ADAM10: variants seen among roughly 807,000 people sequenced by gnomAD.
The protein encoded by ADAM10 is disintegrin and metalloproteinase domain-containing protein 10.
In ADAM10, 17 loss-of-function variants were observed where a neutral mutation model predicts 90.1. The ratio of observed to expected loss-of-function variants is 0.19; its 90% CI spans 0.13 to 0.28. The LOEUF is 0.28. Among genes scored for constraint, ADAM10 ranks in the 10% least tolerant of loss-of-function variants. ADAM10 has a pLI of 1.00. For synonymous variants in ADAM10, 310 were observed against 298.6 expected, an observed-to-expected ratio of 1.04 and a Z score of -0.40; for missense variants, 610 against 914.3, an observed-to-expected ratio of 0.67 and a Z score of 4.29.
At chr15:58,614,812 C>T (rs933686250) in intron 11 of ADAM10, among the ~76,000 whole-genome samples, 2 of 152,124 alleles carry the variant, frequency 1.3e-5, no homozygotes, top group Non-Finnish European at 2.9e-5. Flanking sequence ...ATAATGCTAA[C>T]AACCTACGTA....
At chr15:58,736,541 T>A (rs1899436496) in intron 1 of ADAM10, among the ~76,000 whole-genome samples, 1 of 152,150 alleles carries the variant, frequency 6.6e-6, no homozygotes, top group East Asian at 1.9e-4. Context: ...ATGTCCTTAC[T>A]TTTATGAAAT....
chr15:58,730,045 G>A (rs1271028686), intron 1 of ADAM10, among the ~76,000 whole-genome samples: 1 of 149,724 alleles, frequency 6.7e-6, no homozygotes, highest in African/African-American at 2.5e-5. Flanking sequence ...TTTCACATTA[G>A]GAAATCGTAA....
intron 8 of ADAM10, among the ~76,000 whole-genome samples, chr15:58,640,500 T>G (rs1678006648): frequency 6.6e-6 from 1 of 152,186 alleles, no homozygotes; most frequent in African/African-American, 2.4e-5. Flanking sequence ...CCTTTGGGTT[T>G]CAGAATTACC....
chr15:58,604,173 C>T (rs1238590131), intron 14 of ADAM10, among the ~76,000 whole-genome samples: 1 of 151,988 alleles, frequency 6.6e-6, no homozygotes, highest in Non-Finnish European at 1.5e-5. Flanking sequence ...ACCAGCCTGG[C>T]CAACATGGTG....
chr15:58,628,831 GT>G (rs1242654335), intron 9 of ADAM10, among the ~76,000 whole-genome samples: 1 of 152,166 alleles, frequency 6.6e-6, no homozygotes, highest in Non-Finnish European at 1.5e-5. Context: ...AGGACGTTCT[GT>G]TTTTTCCTAG....
chr15:58,653,846 T>C (rs923616224), intron 5 of ADAM10, among the ~76,000 whole-genome samples: 4 of 152,198 alleles, frequency 2.6e-5, no homozygotes, highest in Non-Finnish European at 5.9e-5. Flanking sequence ...GGTCCCAGAC[T>C]TTTCTTTACT....
At chr15:58,719,122 G>A (rs1313185835) in intron 1 of ADAM10, among the ~76,000 whole-genome samples, 2 of 152,216 alleles carry the variant, frequency 1.3e-5, no homozygotes, top group Middle Eastern at 3.4e-3. Context: ...TCAGGAGTTC[G>A]AGACCAGCCT....
chr15:58,723,348 C>T (rs1898920272), intron 1 of ADAM10, among the ~76,000 whole-genome samples: 1 of 151,284 alleles, frequency 6.6e-6, no homozygotes, highest in Admixed American at 6.6e-5. Context: ...GATTGGAAGG[C>T]GGAAAAAAAA....
chr15:58,639,508 T>G (rs545009778), intron 8 of ADAM10, among the ~76,000 whole-genome samples: 1 of 152,184 alleles, frequency 6.6e-6, no homozygotes, highest in Non-Finnish European at 1.5e-5. Context: ...TTTCAGAGTA[T>G]GAAAGTTTCG....
intron 4 of ADAM10, among the ~76,000 whole-genome samples, chr15:58,669,300 A>G (rs1056528064): frequency 6.6e-6 from 1 of 152,190 alleles, no homozygotes; most frequent in Non-Finnish European, 1.5e-5. Flanking sequence ...TTACTCATCC[A>G]GTCAACAGCT....
chr15:58,589,171 T>C lies in ADAM10; in HGVS notation c.*8376A>G, dbSNP rs1047056792. On this transcript the variant is annotated 3_prime_UTR_variant, in exon 16 of 16. Coordinates refer to ENST00000260408, the MANE Select transcript of ADAM10 (RefSeq NM_001110.4). Reference sequence around the variant, plus strand: ...ACAAATGTTTATTGAACACCTACTATAGCCAAGCTCAAGGAAATGGAGATT... The same window carrying C: ...ACAAATGTTTATTGAACACCTACTACAGCCAAGCTCAAGGAAATGGAGATT... 6.6e-6 allele frequency: 1 copy of C among 152,156 alleles called. No individual in the cohort carries two copies. The highest frequency in any genetic ancestry group is 2.4e-5 in the African/African-American group (1 of 41,426). 9.4% of individuals were successfully genotyped at this position (152,156 alleles called of 1,614,324 possible).
chr15:58,637,750 C>G (rs1405713236), intron 8 of ADAM10, among the ~76,000 whole-genome samples: 1 of 151,494 alleles, frequency 6.6e-6, no homozygotes, highest in African/African-American at 2.4e-5. Context: ...ATATAATTAC[C>G]AAATGAACTG....
At chr15:58,635,406 G>A (rs1460998772) in intron 8 of ADAM10, among the ~76,000 whole-genome samples, 1 of 151,936 alleles carries the variant, frequency 6.6e-6, no homozygotes, top group Non-Finnish European at 1.5e-5. Context: ...ACTATAGGCC[G>A]GACAAATAGC....
intron 1 of ADAM10, among the ~76,000 whole-genome samples, chr15:58,722,891 C>G (rs1217606012): frequency 6.6e-6 from 1 of 151,940 alleles, no homozygotes; most frequent in African/African-American, 2.4e-5. Context: ...ACCACTATGC[C>G]TGGCTAACTT....
chr15:58,711,955 T>C (rs1220515049), intron 2 of ADAM10, among the ~76,000 whole-genome samples: 6 of 152,146 alleles, frequency 3.9e-5, no homozygotes, highest in African/African-American at 1.4e-4. Flanking sequence ...CTTATGCTTC[T>C]CTTCAATGAC....
At chr15:58,715,215 A>G (rs1436611307) in intron 2 of ADAM10, among the ~76,000 whole-genome samples, 6 of 152,030 alleles carry the variant, frequency 3.9e-5, no homozygotes, top group African/African-American at 1.5e-4. Flanking sequence ...TGAAATCAGG[A>G]GTTCGAGACC....
At chr15:58,694,312 G>A (rs1300210753) in intron 2 of ADAM10, among the ~76,000 whole-genome samples, 2 of 152,186 alleles carry the variant, frequency 1.3e-5, no homozygotes, top group Non-Finnish European at 2.9e-5. Flanking sequence ...TTAGCCAGGT[G>A]TGGTGGCAGG....
rs537953060 is a variant in ADAM10, at chr15:58,696,946, C to T, written c.207-14632G>A. On this transcript the variant is annotated intron_variant, in intron 2 of 15. Transcript: ENST00000260408. ...ACCCTGCCCTGGGGCCAAACAGCCC[C>T]GGCATCTCCATATCCCTGGAGTCCA... 5.3e-5 allele frequency among the ~76,000 whole-genome samples: 8 copies of T among 152,236 alleles called. No individual in the cohort carries two copies. The East Asian group carries it at 9.7e-4, about 18-fold the overall frequency.
chr15:58,675,322 G>T (rs1170947502), intron 4 of ADAM10, among the ~76,000 whole-genome samples: 1 of 152,074 alleles, frequency 6.6e-6, no homozygotes, highest in African/African-American at 2.4e-5. Flanking sequence ...TTTTTAATTT[G>T]GAGATTAAGT....
Sources: allele counts gnomAD v4.1 joint callset (sites outside exome capture counted in the v4.1 genomes callset), GRCh38; gene constraint gnomAD v4.1.1; transcripts MANE v1.5; gene names NCBI Gene and HGNC (gene_info 2026-07-23, HGNC 2026-07-21).